The following MARCHF1 variants were observed in gnomAD, a reference collection of about 807,000 sequenced individuals.
MARCHF1 encodes E3 ubiquitin-protein ligase MARCHF1.
MARCHF1 carries 40 observed loss-of-function variants against 54.2 expected under a neutral mutation model. The ratio of observed to expected loss-of-function variants is 0.74; its 90% confidence interval spans 0.57 to 0.96. The LOEUF (loss-of-function observed/expected upper bound fraction) is 0.96, where lower values mean the gene tolerates loss of function less well. Among genes scored for constraint, MARCHF1 ranks in the 40% least tolerant of loss-of-function variants. MARCHF1 has a pLI of 0.00. For synonymous variants in MARCHF1, 236 were observed against 236.3 expected (o/e 1.00, Z 0.01); for missense variants, 586 against 656.5 (o/e 0.89, Z 1.17).
At chr4:163,594,786 A>ACACACACCCC (rs1173614623) in intron 7 of MARCHF1, among the ~76,000 whole-genome samples, 14 of 151,448 alleles carry the variant, frequency 9.2e-5, no homozygotes, top group African/African-American at 3.2e-4. Context: ...ACACACACAC[A>ACACACACCCC]CCCAAACCCA....
At chr4:163,822,980 T>G (rs1748737590) in intron 4 of MARCHF1, among the ~76,000 whole-genome samples, 1 of 151,842 alleles carries the variant, frequency 6.6e-6, no homozygotes, top group Non-Finnish European at 1.5e-5. Flanking sequence ...TCCTCCTCTC[T>G]TTTCCACACG....
rs76941370 is a variant in MARCHF1, at chr4:164,047,245, T to C, written c.-247-58536A>G. Among the ~76,000 whole-genome samples the C allele has an allele frequency of 6.2e-4, 35 of 56,766 alleles. No individual in the cohort carries two copies. In the East Asian group the frequency reaches 0.026, roughly 42 times the overall value. 37.2% of individuals were successfully genotyped at this position (56,766 alleles called of 152,430 possible). A position where few individuals can be genotyped will look rare whatever the true frequency, so the allele number is the denominator to read the frequency against. On this transcript the variant is annotated intron_variant, in intron 2 of 9. Coordinates refer to ENST00000514618, the MANE Select transcript of MARCHF1 (RefSeq NM_001394959.1). Reference sequence around the variant, plus strand: ...TGACAAGCAGCAAGAAAAAAGGCACTTCAAGAAAAAAGGCACTTCAAGAAA... The same window carrying C: ...TGACAAGCAGCAAGAAAAAAGGCACCTCAAGAAAAAAGGCACTTCAAGAAA...
At chr4:163,717,714 T>C (rs1322763621) in intron 4 of MARCHF1, among the ~76,000 whole-genome samples, 2 of 152,196 alleles carry the variant, frequency 1.3e-5, no homozygotes, top group Admixed American at 1.3e-4. Context: ...TGGTATCTCA[T>C]TGTGGTTTTG....
intron 2 of MARCHF1, among the ~76,000 whole-genome samples, chr4:164,093,023 G>A (rs187023055): frequency 6.6e-6 from 1 of 152,194 alleles, no homozygotes; most frequent in Non-Finnish European, 1.5e-5. Flanking sequence ...TTGAAGGTCG[G>A]GTTAATAACT....
rs1296195430 is a variant in MARCHF1, at chr4:164,181,885, A to G, written c.-322-70223T>C. Among the ~76,000 whole-genome samples, 4 of 152,126 alleles carry G rather than the reference A, an allele frequency of 2.6e-5. No homozygotes were observed. The East Asian group carries it at 7.7e-4, about 29-fold the overall frequency. On this transcript the variant is annotated intron_variant, in intron 1 of 9. Coordinates refer to ENST00000514618, the MANE Select transcript of MARCHF1 (RefSeq NM_001394959.1). ...CTATGCCACAGGTTCTTGAAATTCT[A>G]TTTTTAGTATCACATTATAAATTCT...
chr4:163,548,549 T>C (rs1355310319), intron 8 of MARCHF1, among the ~76,000 whole-genome samples: 2 of 152,218 alleles, frequency 1.3e-5, no homozygotes, highest in Admixed American at 6.5e-5. Context: ...CACTTCTAAA[T>C]CGCAGTTAAC....
At chr4:163,797,587 G>T (rs1051607214) in intron 4 of MARCHF1, among the ~76,000 whole-genome samples, 4 of 151,634 alleles carry the variant, frequency 2.6e-5, no homozygotes, top group Non-Finnish European at 4.4e-5. Context: ...CATTAATTTT[G>T]CTCTGTACTA....
rs533710621 is a variant in MARCHF1 at position 163,799,522 on chromosome 4, A to G, written c.111+54499T>C. ...GAACTAGCATGTAAAAAGGCATATA[A>G]GCTTAAGTGATCTGAGACGTAATAA... is the stretch of plus-strand genomic sequence containing the variant. On this transcript the variant is annotated intron_variant, in intron 4 of 9. Coordinates refer to ENST00000514618, the MANE Select transcript of MARCHF1 (RefSeq NM_001394959.1). Among the ~76,000 whole-genome samples, 5 of 152,294 alleles carry G rather than the reference A, an allele frequency of 3.3e-5. No individual in the cohort carries two copies. In the South Asian group the frequency reaches 8.3e-4, roughly 25 times the overall value.
At chr4:164,269,658 A>G (rs1733694880) in intron 1 of MARCHF1, among the ~76,000 whole-genome samples, 2 of 152,036 alleles carry the variant, frequency 1.3e-5, no homozygotes, top group South Asian at 4.1e-4. Flanking sequence ...TCTTGTCTCC[A>G]GAAGAATTTC....
chr4:164,241,394 G>C, intron 1 of MARCHF1, among the ~76,000 whole-genome samples: 1 of 152,104 alleles, frequency 6.6e-6, no homozygotes, highest in South Asian at 2.1e-4. Flanking sequence ...CTTTGGCCCA[G>C]CGATCACTCA....
chr4:163,890,310 T>C (rs1320895516), intron 3 of MARCHF1, among the ~76,000 whole-genome samples: 1 of 152,150 alleles, frequency 6.6e-6, no homozygotes, highest in Admixed American at 6.5e-5. Context: ...TAAGTAAAAT[T>C]CATTTCCTTT....
intron 4 of MARCHF1, among the ~76,000 whole-genome samples, chr4:163,728,238 T>C (rs2111316568): frequency 6.6e-6 from 1 of 152,286 alleles, no homozygotes; most frequent in Admixed American, 6.5e-5. Flanking sequence ...ACTGTCTTGA[T>C]TGCTGTAGTT....
chr4:164,377,640 T>G (rs1418301900), intron 1 of MARCHF1, among the ~76,000 whole-genome samples: 1 of 152,118 alleles, frequency 6.6e-6, no homozygotes, highest in Non-Finnish European at 1.5e-5. Flanking sequence ...TGTGTCTGTA[T>G]TTTTGGGTGT....
intron 4 of MARCHF1, among the ~76,000 whole-genome samples, chr4:163,818,171 G>T (rs1338692749): frequency 6.6e-6 from 1 of 152,012 alleles, no homozygotes; most frequent in Non-Finnish European, 1.5e-5. Flanking sequence ...AGATATTTTA[G>T]TTTGTTCTAG....
chr4:164,032,945 A>C (rs1336627264), intron 2 of MARCHF1, among the ~76,000 whole-genome samples: 4 of 152,186 alleles, frequency 2.6e-5, no homozygotes, highest in Admixed American at 2.6e-4. Flanking sequence ...TGGTACTTGT[A>C]CCAAAACAGA....
chr4:163,893,574 A>G (rs1750711124), intron 3 of MARCHF1, among the ~76,000 whole-genome samples: 3 of 152,212 alleles, frequency 2.0e-5, no homozygotes, highest in South Asian at 4.1e-4. Context: ...CGTAAAGTAT[A>G]CAAATGGAAA....
chr4:163,792,655 A>G (rs532968355), intron 4 of MARCHF1, among the ~76,000 whole-genome samples: 11 of 152,222 alleles, frequency 7.2e-5, no homozygotes, highest in Admixed American at 5.2e-4. Context: ...TTAACTGAAG[A>G]GTAAAACATA....
At chr4:164,066,169 CA>C (rs1754725299) in intron 2 of MARCHF1, among the ~76,000 whole-genome samples, 1 of 101,474 alleles carries the variant, frequency 9.9e-6, no homozygotes, top group Non-Finnish European at 2.2e-5. Flanking sequence ...GCAACATAAA[CA>C]AACTTGCAAG....
Position 163,734,185 on chromosome 4 carries a change from G to C in MARCHF1, c.112-33322C>G, listed in dbSNP as rs1049249013. Among the ~76,000 whole-genome samples the C allele has an allele frequency of 2.0e-5, 3 of 152,256 alleles. No individual in the cohort carries two copies. The South Asian group carries it at 6.2e-4, about 32-fold the overall frequency. ...AAAAGACTTGACCATTACAAGTGTT[G>C]GCAAGATAGGGAGAAATAGAAATCC... On this transcript the variant is annotated intron_variant, in intron 4 of 9. Transcript: ENST00000514618.
Sources: gnomAD v4.1 joint callset for allele counts (sites outside exome capture counted in the v4.1 genomes callset) on GRCh38, gnomAD v4.1.1 for gene constraint, MANE v1.5 for transcripts, NCBI Gene and HGNC (gene_info 2026-07-23, HGNC 2026-07-21) for gene names.